Variants in UBXN8 observed in about 807,000 individuals in gnomAD.
UBXN8 encodes UBX domain-containing protein 8.
UBXN8 carries 27 observed loss-of-function variants against 32.1 expected under a neutral mutation model. The ratio of observed to expected loss-of-function variants is 0.84; its 90% confidence interval spans 0.62 to 1.16. UBXN8 has a LOEUF of 1.16. Among genes scored for constraint, UBXN8 ranks in the 50% most tolerant of loss-of-function variants. The pLI is 0.00. For missense variants in UBXN8, 306 were observed against 311.4 expected (o/e 0.98, Z 0.13); for synonymous variants, 109 against 111.8 (o/e 0.98, Z 0.16).
chr8:30,744,174 A>C lies in UBXN8; in HGVS notation c.-16A>C. On this transcript the variant is annotated 5_prime_UTR_variant, in exon 1 of 8. Transcript: ENST00000265616. ...AAGGGGCGGGCTTTCCGCCTGCACC[A>C]GGCGCTTCCGCCACCATGGCTTCAC... 6.2e-7 allele frequency: 1 copy of C among 1,610,000 alleles called. No homozygotes were observed. Among genetic ancestry groups the C allele is most frequent in the South Asian group, 1.1e-5 (1 of 90,192 alleles).
At chr8:30,760,207 C>T (rs1805792636) in intron 5 of UBXN8, among the ~76,000 whole-genome samples, 1 of 89,216 alleles carries the variant, frequency 1.1e-5, no homozygotes, top group Non-Finnish European at 2.2e-5. Context: ...GGATTATGGG[C>T]ACCCGCCATC....
chr8:30,765,299 G>A (rs750464686), intron 7 of UBXN8, among the ~76,000 whole-genome samples: 1 of 151,752 alleles, frequency 6.6e-6, no homozygotes, highest in African/African-American at 2.4e-5. Flanking sequence ...TGTAAGATTG[G>A]TTCTCACTCT....
chr8:30,729,249 A>T (rs955131204), upstream of UBXN8, among the ~76,000 whole-genome samples: 2 of 152,226 alleles, frequency 1.3e-5, no homozygotes, highest in Non-Finnish European at 2.9e-5. Context: ...TGGAACGCCT[A>T]GTCAGAGCAG....
At chr8:30,741,502 G>A (rs1805200201), upstream of UBXN8, among the ~76,000 whole-genome samples, 1 of 123,616 alleles carries the variant, frequency 8.1e-6, no homozygotes, top group South Asian at 2.7e-4. Flanking sequence ...TATTGCCCAG[G>A]CTGGAGTACA....
intron 7 of UBXN8, among the ~76,000 whole-genome samples, chr8:30,764,076 T>A (rs532059504): frequency 1.1e-4 from 16 of 152,214 alleles, no homozygotes; most frequent in Admixed American, 2.0e-4. Context: ...AAAAATTTGA[T>A]CTGTAGTCTC....
intron 1 of UBXN8, among the ~76,000 whole-genome samples, chr8:30,749,608 CTTT>C (rs35549734): frequency 1.6e-4 from 18 of 115,034 alleles, no homozygotes; most frequent in East Asian, 2.5e-4. Context: ...TTCTTTTTTT[CTTT>C]TTTTTTTTTT....
chr8:30,753,013 C>T, intron 2 of UBXN8, 22 bp from the exon 3 acceptor site: 1 of 1,495,456 alleles, frequency 6.7e-7, no homozygotes, highest in Non-Finnish European at 8.9e-7. Flanking sequence ...GTAAAAAGCA[C>T]TTTTATGTTT....
chr8:30,753,375 G>A (rs912570628), intron 3 of UBXN8, among the ~76,000 whole-genome samples: 1 of 152,138 alleles, frequency 6.6e-6, no homozygotes, highest in Admixed American at 6.6e-5. Context: ...TCCTGCCTCT[G>A]CCTCCCGAGT....
At chr8:30,749,250 A>C (rs1805447185) in intron 1 of UBXN8, among the ~76,000 whole-genome samples, 2 of 151,820 alleles carry the variant, frequency 1.3e-5, no homozygotes, top group South Asian at 4.2e-4. Flanking sequence ...AAAACTAGCC[A>C]GGCATGGTGG....
chr8:30,753,429 G>A (rs1481254042), intron 3 of UBXN8, among the ~76,000 whole-genome samples: 2 of 151,968 alleles, frequency 1.3e-5, no homozygotes. Flanking sequence ...GCTAATTTTT[G>A]TATTTTTAGT....
intron 1 of UBXN8, among the ~76,000 whole-genome samples, chr8:30,738,288 G>T (rs949944750): frequency 1.3e-5 from 2 of 152,082 alleles, no homozygotes; most frequent in Admixed American, 6.6e-5. Flanking sequence ...GGGGGCTGAG[G>T]CAGGATTGCT....
intron 1 of UBXN8, among the ~76,000 whole-genome samples, chr8:30,734,890 A>T (rs939270892): frequency 6.6e-6 from 1 of 152,136 alleles, no homozygotes; most frequent in African/African-American, 2.4e-5. Context: ...CTGTGGTGAA[A>T]TGTGATCACA....
upstream of UBXN8, among the ~76,000 whole-genome samples, chr8:30,743,116 G>T (rs1337643998): frequency 6.6e-6 from 1 of 151,880 alleles, no homozygotes; most frequent in Non-Finnish European, 1.5e-5. Context: ...GATTACAGGC[G>T]TGAGCCACCG....
At position 30,766,240 on chromosome 8, in the gene UBXN8, G is replaced by A. The variant is rs867374218; in HGVS notation, c.659G>A (p.Trp220Ter). 3.1e-6 allele frequency: 5 copies of A among 1,611,658 alleles called. No individual in the cohort carries two copies. The highest frequency in any genetic ancestry group is 1.3e-5 in the African/African-American group (1 of 74,884). ...KSYSSQVLFDWMTRIGYHISL... is the reference protein window; with the variant it reads ...KSYSSQVLFD ...TTCATCTTCTAGGTCTTATTTGACT[G>A]GATGACGAGAATTGGGTACCACATA... The change falls in exon 8 of 8, where the codon TGG becomes TAG. Residue 220 changes from tryptophan to a stop codon, truncating the protein, a stop_gained. Coordinates refer to ENST00000265616, the MANE Select transcript of UBXN8 (RefSeq NM_005671.4). LOFTEE classifies it high-confidence loss of function.
At chr8:30,741,418 T>C (rs1805195293), upstream of UBXN8, among the ~76,000 whole-genome samples, 1 of 150,058 alleles carries the variant, frequency 6.7e-6, no homozygotes, top group Non-Finnish European at 1.5e-5. Flanking sequence ...TGACGTCCCC[T>C]CTGAGACACG....
intron 7 of UBXN8, among the ~76,000 whole-genome samples, chr8:30,764,072 T>C (rs946152128): frequency 6.6e-6 from 1 of 152,174 alleles, no homozygotes; most frequent in Non-Finnish European, 1.5e-5. Flanking sequence ...AGAAAAAAAT[T>C]TGATCTGTAG....
chr8:30,730,961 G>A (rs1050242858), upstream of UBXN8, among the ~76,000 whole-genome samples: 1 of 152,222 alleles, frequency 6.6e-6, no homozygotes, highest in East Asian at 1.9e-4. Flanking sequence ...CGTCAGGCCC[G>A]GCGAAATGCC....
At chr8:30,749,509 TAAA>T (rs1044803364) in intron 1 of UBXN8, among the ~76,000 whole-genome samples, 4 of 151,850 alleles carry the variant, frequency 2.6e-5, no homozygotes, top group East Asian at 3.8e-4. Flanking sequence ...TGTCAAGAAA[TAAA>T]GAAGCACACA....
intron 1 of UBXN8, among the ~76,000 whole-genome samples, chr8:30,744,965 T>C (rs1805326758): frequency 6.6e-6 from 1 of 152,194 alleles, no homozygotes; most frequent in Non-Finnish European, 1.5e-5. Flanking sequence ...CTGGTTATTA[T>C]CTCATTTAAT....
Sources: gnomAD v4.1 joint callset for allele counts (sites outside exome capture counted in the v4.1 genomes callset) on GRCh38, gnomAD v4.1.1 for gene constraint, MANE v1.5 for transcripts, NCBI Gene and HGNC (gene_info 2026-07-23, HGNC 2026-07-21) for gene names.